SCUBE1: variants seen among roughly 807,000 people sequenced by gnomAD.
SCUBE1 encodes signal peptide, CUB domain and EGF like domain containing 1, also known as signal peptide, CUB and EGF-like domain-containing protein 1.
A neutral mutation model predicts 124.4 loss-of-function variants in SCUBE1; 59 were observed. The ratio of observed to expected loss-of-function variants is 0.47; its 90% CI spans 0.38 to 0.59. The LOEUF is 0.59. Ranked by LOEUF, SCUBE1 falls within the 20% of genes least tolerant of loss-of-function variation. The pLI is 0.00. For synonymous variants in SCUBE1, 545 were observed against 550.9 expected (o/e 0.99, Z 0.15); for missense variants, 1,150 against 1,371.2 (o/e 0.84, Z 2.55).
chr22:43,232,030 G>T (rs971425703), intron 7 of SCUBE1, 155 bp from the exon 8 acceptor site: 46 of 785,228 alleles, frequency 5.9e-5, no homozygotes, highest in Non-Finnish European at 8.3e-5. Flanking sequence ...GCTGTGCAGA[G>T]GGGTGGGGGC....
intron 4 of SCUBE1, among the ~76,000 whole-genome samples, chr22:43,266,864 A>G (rs954902742): frequency 3.3e-5 from 5 of 152,170 alleles, no homozygotes; most frequent in African/African-American, 9.6e-5. Flanking sequence ...CAGCCCCTCC[A>G]CGAAGCACAT....
intron 15 of SCUBE1, among the ~76,000 whole-genome samples, chr22:43,215,763 G>GAC (rs1921781538): frequency 6.6e-6 from 1 of 152,194 alleles, no homozygotes; most frequent in African/African-American, 2.4e-5. Context: ...GGAGCCTGAA[G>GAC]ACACAGTGGA....
chr22:43,313,086 G>A (rs556717270), intron 3 of SCUBE1, among the ~76,000 whole-genome samples: 2 of 152,296 alleles, frequency 1.3e-5, no homozygotes, highest in African/African-American at 2.4e-5. Context: ...TGGATGCTGT[G>A]AGCACTAACA....
intron 17 of SCUBE1, among the ~76,000 whole-genome samples, chr22:43,212,130 C>T (rs1307995982): frequency 6.6e-6 from 1 of 151,588 alleles, no homozygotes; most frequent in Middle Eastern, 3.2e-3. Context: ...CCCTCCTCAC[C>T]CTCCCAACCT....
intron 3 of SCUBE1, among the ~76,000 whole-genome samples, chr22:43,305,045 A>G (rs1925915758): frequency 6.6e-6 from 1 of 152,120 alleles, no homozygotes; most frequent in African/African-American, 2.4e-5. Context: ...TCCCAACCCA[A>G]TAATCACCCC....
chr22:43,213,413 C>A lies in SCUBE1; in HGVS notation c.2053+677G>T, dbSNP rs568053331. On this transcript the variant is annotated intron_variant, in intron 16 of 21. Coordinates refer to ENST00000360835, the MANE Select transcript of SCUBE1 (RefSeq NM_173050.5). ...GTCTCCAGTATCCTGGGACCCCACT[C>A]CCCCACCCTCACAGGCACTGTGCTT... 5 of 152,324 alleles carry A rather than the reference C, an allele frequency of 3.3e-5. No homozygotes were observed. The South Asian group carries it at 1.0e-3, about 32-fold the overall frequency. 9.4% of individuals were successfully genotyped at this position (152,324 alleles called of 1,614,324 possible).
intron 20 of SCUBE1, among the ~76,000 whole-genome samples, chr22:43,207,816 C>A (rs1473640412): frequency 6.6e-6 from 1 of 152,194 alleles, no homozygotes; most frequent in East Asian, 1.9e-4. Context: ...TAAGAACCCC[C>A]TATTTAGCCC....
chr22:43,228,824 C>G lies in SCUBE1; in HGVS notation c.1084+248G>C, dbSNP rs141369294. 1.2e-4 allele frequency among the ~76,000 whole-genome samples: 18 copies of G among 152,396 alleles called. No homozygotes were observed. In the East Asian group the frequency reaches 3.3e-3, roughly 28 times the overall value. On this transcript the variant is annotated intron_variant, in intron 9 of 21. Coordinates refer to ENST00000360835, the MANE Select transcript of SCUBE1 (RefSeq NM_173050.5). ...ATGGGGTTTCCAGCCCCGTGCCCATCTGGCCAAGGCCTGGCACTGGCAGAG... is the reference window on the plus strand; with the variant it reads ...ATGGGGTTTCCAGCCCCGTGCCCATGTGGCCAAGGCCTGGCACTGGCAGAG...
chr22:43,257,974 G>A lies in SCUBE1; in HGVS notation c.727+245C>T, dbSNP rs112812689. 5.5e-3 allele frequency among the ~76,000 whole-genome samples: 830 copies of A among 152,266 alleles called. 8 individuals carry two copies. The highest frequency in any genetic ancestry group is 0.019 in the African/African-American group (801 of 41,546). On this transcript the variant is annotated intron_variant, in intron 6 of 21. Transcript: ENST00000360835. Reference sequence around the variant, plus strand: ...TGCTAGGGAGCCCACGTCAGGCGTCGCCAGGGAACACAAAGCAGAAAAGCC... The same window carrying A: ...TGCTAGGGAGCCCACGTCAGGCGTCACCAGGGAACACAAAGCAGAAAAGCC...
intron 6 of SCUBE1, among the ~76,000 whole-genome samples, chr22:43,250,562 C>T (rs548700207): frequency 5.9e-5 from 9 of 152,228 alleles, no homozygotes; most frequent in Non-Finnish European, 1.3e-4. Context: ...CAAGGTGGAG[C>T]AGTTCAGGCA....
intron 17 of SCUBE1, 22 bp downstream of exon 17, chr22:43,212,403 G>A (rs368912826): frequency 3.4e-5 from 53 of 1,547,760 alleles, no homozygotes; most frequent in Admixed American, 2.6e-4. Context: ...GTGGGCGGGC[G>A]TGGTGGGGAG....
At chr22:43,226,353 G>A (rs936681916) in intron 10 of SCUBE1, among the ~76,000 whole-genome samples, 1 of 152,202 alleles carries the variant, frequency 6.6e-6, no homozygotes, top group South Asian at 2.1e-4. Context: ...CCAAGGCTGC[G>A]GCTCTGGGTG....
At chr22:43,294,983 C>T (rs1024309317) in intron 3 of SCUBE1, among the ~76,000 whole-genome samples, 2 of 152,180 alleles carry the variant, frequency 1.3e-5, no homozygotes, top group Non-Finnish European at 2.9e-5. Flanking sequence ...CTTATTATCC[C>T]TGATTCTCAG....
At position 43,301,374 on chromosome 22, in the gene SCUBE1, T is replaced by G. The variant is rs557545007; in HGVS notation, c.350-10194A>C. On this transcript the variant is annotated intron_variant, in intron 3 of 21. Coordinates refer to ENST00000360835, the MANE Select transcript of SCUBE1 (RefSeq NM_173050.5). ...TCCCGGCCACCAAGCCCACAGGAAC[T>G]GCTCTGCCCACGTCCCCCCGGGCTC... is the stretch of plus-strand genomic sequence containing the variant. 4.0e-4 allele frequency among the ~76,000 whole-genome samples: 61 copies of G among 152,248 alleles called. 1 individual carries two copies. Among genetic ancestry groups the G allele is most frequent in the African/African-American group, 1.3e-3 (55 of 41,560 alleles).
At chr22:43,293,105 G>A (rs370369811) in intron 3 of SCUBE1, among the ~76,000 whole-genome samples, 100 of 152,250 alleles carry the variant, frequency 6.6e-4, no homozygotes, top group African/African-American at 2.3e-3. Context: ...GCGAGTGGTC[G>A]CCTCCCTCCC....
intron 3 of SCUBE1, among the ~76,000 whole-genome samples, chr22:43,308,406 G>C (rs1926053236): frequency 6.6e-6 from 1 of 152,182 alleles, no homozygotes; most frequent in South Asian, 2.1e-4. Flanking sequence ...GAAAATATTG[G>C]TGTTTATGGA....
At chr22:43,229,233 A>C in intron 8 of SCUBE1, 45 bp from the exon 9 acceptor site, 6 of 675,742 alleles carry the variant, frequency 8.9e-6, no homozygotes, top group Non-Finnish European at 1.6e-5. Flanking sequence ...AGTTTGAGGG[A>C]GTGGTGGGTG....
At chr22:43,205,598 TCAC>T (rs1023241761) in intron 21 of SCUBE1, among the ~76,000 whole-genome samples, 3 of 141,870 alleles carry the variant, frequency 2.1e-5, no homozygotes, top group Admixed American at 7.0e-5. Flanking sequence ...ACACACCCAC[TCAC>T]CACACACCCA....
chr22:43,326,524 C>T (rs982551664), intron 2 of SCUBE1, among the ~76,000 whole-genome samples: 4 of 152,212 alleles, frequency 2.6e-5, no homozygotes, highest in Non-Finnish European at 5.9e-5. Context: ...TAATGAGACG[C>T]GCTCTCTGAG....
Sources: gnomAD v4.1 joint callset for allele counts (sites outside exome capture counted in the v4.1 genomes callset) on GRCh38, gnomAD v4.1.1 for gene constraint, MANE v1.5 for transcripts, NCBI Gene and HGNC (gene_info 2026-07-23, HGNC 2026-07-21) for gene names.